The following TNFRSF10B variants were observed in gnomAD, a reference collection of about 807,000 sequenced individuals.
TNFRSF10B encodes TNF receptor superfamily member 10b.
Under a neutral mutation model 41.4 loss-of-function variants are expected in TNFRSF10B, and 35 were observed. The observed-to-expected ratio is 0.85, with a 90% CI of 0.65 to 1.12. The LOEUF (loss-of-function observed/expected upper bound fraction) is 1.12, where lower values mean the gene tolerates loss of function less well. Ranked by LOEUF, TNFRSF10B falls within the 50% of genes most tolerant of loss-of-function variation. TNFRSF10B has a pLI of 0.00. For synonymous variants in TNFRSF10B, 230 were observed against 215.5 expected, an observed-to-expected ratio of 1.07 and a Z score of -0.59; for missense variants, 584 against 552.7, an observed-to-expected ratio of 1.06 and a Z score of -0.57.
At chr8:23,036,911 G>A (rs1463778708) in intron 2 of TNFRSF10B, among the ~76,000 whole-genome samples, 1 of 152,178 alleles carries the variant, frequency 6.6e-6, no homozygotes, top group Non-Finnish European at 1.5e-5. Context: ...TTTGCTTGAG[G>A]GAAGAATGGC....
intron 2 of TNFRSF10B, among the ~76,000 whole-genome samples, chr8:23,040,457 AT>A (rs1398417711): frequency 3.8e-4 from 33 of 87,424 alleles, no homozygotes; most frequent in African/African-American, 1.0e-3. Context: ...TATTTATTAA[AT>A]ATATATACAC....
At chr8:23,043,545 A>G (rs1181915462) in intron 1 of TNFRSF10B, among the ~76,000 whole-genome samples, 1 of 152,214 alleles carries the variant, frequency 6.6e-6, no homozygotes, top group East Asian at 1.9e-4. Context: ...GCATCCATTA[A>G]TATTTTGTCT....
chr8:23,024,294 G>T, intron 7 of TNFRSF10B, 34 bp from the exon 8 acceptor site: 1 of 1,611,984 alleles, frequency 6.2e-7, no homozygotes, highest in Non-Finnish European at 8.5e-7. Flanking sequence ...CCTGGTCAGA[G>T]CCAGGAGTCC....
At chr8:23,031,501 C>T (rs1338058182) in intron 2 of TNFRSF10B, among the ~76,000 whole-genome samples, 1 of 151,976 alleles carries the variant, frequency 6.6e-6, no homozygotes, top group East Asian at 1.9e-4. Context: ...CCTCCCTCTC[C>T]CCCCGACCCA....
At position 23,043,172 on chromosome 8, in the gene TNFRSF10B, CT is replaced by C; in HGVS notation, c.215del (p.Lys72ArgfsTer55). 6.2e-7 allele frequency: 1 copy of C among 1,614,128 alleles called. No homozygotes were observed. Among genetic ancestry groups the C allele is most frequent in the Non-Finnish European group, 8.5e-7 (1 of 1,180,016 alleles). On this transcript the variant is annotated frameshift_variant, in exon 2 of 9. Transcript: ENST00000276431. LOFTEE classifies it high-confidence loss of function. ...APQQRAAPQQKRSSPSEGLCP... is the reference protein window; with the variant it reads ...APQQRAAPQQXRSSPSEGLCP... Reference sequence around the variant, plus strand: ...ACAATCCCTCTGAGGGGCTGGACCTCTTTTGTTGTGGGGCCGCTCTCTGCTG... The same window carrying C: ...ACAATCCCTCTGAGGGGCTGGACCTCTTTGTTGTGGGGCCGCTCTCTGCTG...
chr8:23,062,811 G>C (rs1010931224), intron 1 of TNFRSF10B, among the ~76,000 whole-genome samples: 4 of 152,108 alleles, frequency 2.6e-5, no homozygotes, highest in African/African-American at 7.2e-5. Context: ...TCATTACTGA[G>C]TTGTATGGCA....
chr8:23,060,051 T>C (rs1187528933), intron 1 of TNFRSF10B, among the ~76,000 whole-genome samples: 3 of 152,250 alleles, frequency 2.0e-5, no homozygotes, highest in Non-Finnish European at 4.4e-5. Context: ...CCTTATCAGA[T>C]ATATAACTTA....
chr8:23,043,029 CA>C, intron 2 of TNFRSF10B, 108 bp downstream of exon 2: 1 of 1,000,372 alleles, frequency 1.0e-6, no homozygotes. Flanking sequence ...TGGAGGCACC[CA>C]ATGCCTCTCT....
rs377717912 is a variant in TNFRSF10B, at chr8:23,050,558, CT to C, written c.145-7316del. Among the ~76,000 whole-genome samples the C allele has an allele frequency of 8.4e-3, 1,276 of 151,746 alleles. 23 individuals are homozygous for C. The highest frequency in any genetic ancestry group is 0.03 in the African/African-American group (1,229 of 41,394). On this transcript the variant is annotated intron_variant, in intron 1 of 8. Coordinates refer to ENST00000276431, the MANE Select transcript of TNFRSF10B (RefSeq NM_003842.5). ...TAGGGCCTTATCTTTTTGAGCAAAACTTTTTTTCTTCTCAGTTGACTGAATT... is the reference window on the plus strand; with the variant it reads ...TAGGGCCTTATCTTTTTGAGCAAAACTTTTTTCTTCTCAGTTGACTGAATT...
Position 23,021,883 on chromosome 8 carries a change from T to A in TNFRSF10B, c.*788A>T. ...GTCTCCTCCTTTTATGTTTATCTAA[T>A]CTATTCACATAACTATGTAAACAAG... On this transcript the variant is annotated 3_prime_UTR_variant, in exon 9 of 9. Coordinates refer to ENST00000276431, the MANE Select transcript of TNFRSF10B (RefSeq NM_003842.5). 2.2e-6 allele frequency: 1 copy of A among 454,142 alleles called. No individual in the cohort carries two copies. 28.1% of individuals were successfully genotyped at this position (454,142 alleles called of 1,614,324 possible).
At chr8:23,041,933 C>G (rs182744648) in intron 2 of TNFRSF10B, among the ~76,000 whole-genome samples, 1 of 152,294 alleles carries the variant, frequency 6.6e-6, no homozygotes, top group African/African-American at 2.4e-5. Flanking sequence ...CAACTTCTTC[C>G]AGGTGGACAC....
chr8:23,068,756 G>C lies in TNFRSF10B; in HGVS notation c.139C>G (p.Leu47Val), dbSNP rs769215218. The change falls in exon 1 of 9, where the codon CTG (leucine) becomes GTG (valine). Residue 47 changes from leucine (L) to valine (V), a missense_variant. Physicochemically the swap from Leu to Val is conservative, Grantham distance 32. Coordinates refer to ENST00000276431, the MANE Select transcript of TNFRSF10B (RefSeq NM_003842.5). ...TLVLVVAAVL[L>V]LVSAESALIT... ...GGACCGCGGCGGGGACTCACCAACA[G>C]CAGGACCGCGGCGACAACGAGCACA... The C allele has an allele frequency of 6.3e-7, 1 of 1,584,036 alleles. No individual in the cohort carries two copies. The highest frequency in any genetic ancestry group is 8.6e-7 in the Non-Finnish European group (1 of 1,165,082).
chr8:23,030,593 C>T (rs190065978), intron 3 of TNFRSF10B, among the ~76,000 whole-genome samples, 166 bp downstream of exon 3: 12 of 152,096 alleles, frequency 7.9e-5, no homozygotes, highest in African/African-American at 2.2e-4. Flanking sequence ...GCCACTGTGC[C>T]GGGCCTGTTT....
intron 5 of TNFRSF10B, 170 bp from the exon 6 acceptor site, chr8:23,027,923 G>A (rs950517961): frequency 2.6e-5 from 19 of 720,286 alleles, no homozygotes; most frequent in African/African-American, 1.6e-4. Flanking sequence ...GAGGAAGGGG[G>A]ATGAGAAGGG....
chr8:23,041,613 A>AAC (rs1443206595), intron 2 of TNFRSF10B, among the ~76,000 whole-genome samples: 2 of 152,038 alleles, frequency 1.3e-5, no homozygotes, highest in Non-Finnish European at 2.9e-5. Flanking sequence ...TAAAAAAAAA[A>AAC]AAAAAAAAAA....
intron 1 of TNFRSF10B, among the ~76,000 whole-genome samples, chr8:23,043,598 T>C (rs1372833041): frequency 6.6e-6 from 1 of 151,858 alleles, no homozygotes; most frequent in South Asian, 2.1e-4. Context: ...CTATTCTCTC[T>C]TTCTCTCTTT....
chr8:23,028,539 G>C lies in TNFRSF10B; in HGVS notation c.540C>G (p.His180Gln). 6.2e-7 allele frequency: 1 copy of C among 1,614,058 alleles called. No homozygotes were observed. The highest frequency in any genetic ancestry group is 2.2e-5 in the East Asian group (1 of 44,870). Reference protein sequence around the residue: ...CTPWSDIECVHKESGTKHSGE... With the variant: ...CTPWSDIECVQKESGTKHSGE... ...CACTGTGCTTTGTACCTGATTCTTT[G>C]TGGACACATTCGATGTCACTCCAGG... is the stretch of plus-strand genomic sequence containing the variant. Residue 180 changes from histidine (H) to glutamine (Q), a missense_variant, in exon 5 of 9, where the codon CAC becomes CAG. His to Gln is a conservative substitution (Grantham distance 24). Transcript: ENST00000276431.
Position 23,021,345 on chromosome 8 carries a change from GC to G in TNFRSF10B, c.*1325del, listed in dbSNP as rs1210419779. ...AAGTAGGCAATCTGTACCCTAAAAG[GC>G]AGCTCATGGGCTCAGGGTGACAGAT... On this transcript the variant is annotated 3_prime_UTR_variant, in exon 9 of 9. Coordinates refer to ENST00000276431, the MANE Select transcript of TNFRSF10B (RefSeq NM_003842.5). 1 of 453,970 alleles carries G rather than the reference GC, an allele frequency of 2.2e-6. No individual in the cohort carries two copies. The highest frequency in any genetic ancestry group is 4.4e-6 in the Non-Finnish European group (1 of 226,794). 28.1% of individuals were successfully genotyped at this position (453,970 alleles called of 1,614,324 possible).
chr8:23,046,828 CA>C (rs754188497), intron 1 of TNFRSF10B, among the ~76,000 whole-genome samples: 23 of 151,752 alleles, frequency 1.5e-4, no homozygotes, highest in Non-Finnish European at 2.5e-4. Context: ...TGATTTTTGC[CA>C]AAAGTGCCAA....
Sources: gnomAD v4.1 joint callset for allele counts (sites outside exome capture counted in the v4.1 genomes callset) on GRCh38, gnomAD v4.1.1 for gene constraint, MANE v1.5 for transcripts, NCBI Gene and HGNC (gene_info 2026-07-23, HGNC 2026-07-21) for gene names.